SNX18: variants seen among roughly 807,000 people sequenced by gnomAD.
SNX18 encodes the protein sorting nexin 18.
SNX18 carries 35 observed loss-of-function variants against 48.7 expected under a neutral mutation model. The observed-to-expected ratio is 0.72, with a 90% CI of 0.55 to 0.95. SNX18 has a LOEUF of 0.95. Ranked by LOEUF, SNX18 falls within the 40% of genes least tolerant of loss-of-function variation. The probability of loss-of-function intolerance (pLI) is 0.00; values close to 1 mark genes in which losing one functional copy is unlikely to be tolerated. For synonymous variants in SNX18, 492 were observed against 384.7 expected (o/e 1.28, Z -3.26); for missense variants, 824 against 871.0 (o/e 0.95, Z 0.68).
intron 1 of SNX18, among the ~76,000 whole-genome samples, chr5:54,523,870 A>C (rs111461521): frequency 6.6e-6 from 1 of 152,110 alleles, no homozygotes; most frequent in African/African-American, 2.4e-5. Flanking sequence ...CCACACGGAG[A>C]CCCTTCCCTG....
At chr5:54,585,246 C>G in the SNX18 span, among the ~76,000 whole-genome samples, 32 of 151,058 alleles carry the variant, frequency 2.1e-4, 1 homozygote, top group African/African-American at 6.6e-4. Context: ...GAGTTGTTAC[C>G]ATGCTCCTGC....
intron 1 of SNX18, among the ~76,000 whole-genome samples, chr5:54,523,713 G>A (rs943306969): frequency 1.3e-5 from 2 of 152,144 alleles, no homozygotes; most frequent in Admixed American, 6.5e-5. Context: ...CCTCAGGAAT[G>A]GTATACCAGT....
At position 54,519,583 on chromosome 5, in the gene SNX18, G is replaced by A. The variant is rs199538676; in HGVS notation, c.1621+10G>A. 214 of 1,614,216 alleles carry A rather than the reference G, an allele frequency of 1.3e-4. 1 individual carries two copies. The highest frequency in any genetic ancestry group is 1.2e-3 in the Middle Eastern group (7 of 6,062). On this transcript the variant is annotated intron_variant, in intron 1 of 1. Coordinates refer to ENST00000381410, the MANE Select transcript of SNX18 (RefSeq NM_001102575.2). ...ATCCACGTTCAGAAAGGTAAAGCCT[G>A]GCCCTTAGAGCAGGTGATATGGAGT...
the SNX18 span, among the ~76,000 whole-genome samples, chr5:54,584,528 T>C: frequency 6.6e-6 from 1 of 152,086 alleles, no homozygotes; most frequent in Non-Finnish European, 1.5e-5. Flanking sequence ...TTTGCATAGG[T>C]GGAGTGTGGC....
the SNX18 span, among the ~76,000 whole-genome samples, chr5:54,633,664 A>T: frequency 1.3e-5 from 2 of 152,240 alleles, no homozygotes; most frequent in Non-Finnish European, 2.9e-5. Context: ...AAGTGCTGTA[A>T]CAGTGTGTGG....
At chr5:54,555,637 C>A in the SNX18 span, among the ~76,000 whole-genome samples, 1 of 151,866 alleles carries the variant, frequency 6.6e-6, no homozygotes, top group Admixed American at 6.6e-5. Flanking sequence ...GAATTCAAGG[C>A]CAACACAGTG....
the SNX18 span, among the ~76,000 whole-genome samples, chr5:54,611,536 AT>A: frequency 1.3e-5 from 2 of 152,154 alleles, no homozygotes; most frequent in Admixed American, 6.5e-5. Flanking sequence ...CGTTCTAGAA[AT>A]TATTTTCCTC....
intron 1 of SNX18, among the ~76,000 whole-genome samples, chr5:54,541,537 TAGTAGAACTGGGAC>T: frequency 6.6e-6 from 1 of 152,298 alleles, no homozygotes; most frequent in African/African-American, 2.4e-5. Flanking sequence ...GATGGCTTCT[TAGTAGAACTGGGAC>T]AGGGGTCTTC....
In SNX18 at chr5:54,518,817, T is replaced by C. The variant is rs1761943118; in HGVS notation, c.865T>C (p.Phe289Leu). 6.2e-7 allele frequency: 1 copy of C among 1,606,468 alleles called. No individual in the cohort carries two copies. Among genetic ancestry groups the C allele is most frequent in the Admixed American group, 1.7e-5 (1 of 59,286 alleles). The change falls in exon 1 of 2, where the codon TTC (phenylalanine) becomes CTC (leucine). Residue 289 changes from phenylalanine (F) to leucine (L), a missense_variant. Transcript: ENST00000381410. ...CGACGACCCCACCAAGCAGACCAAG[T>C]TCAAGGGCATGAAGAGCTACATCTC... ...TIDDPTKQTK[F>L]KGMKSYISYK...
At chr5:54,599,060 A>G in the SNX18 span, among the ~76,000 whole-genome samples, 301 of 152,356 alleles carry the variant, frequency 2.0e-3, 2 homozygotes, top group South Asian at 5.2e-3. Context: ...AATGTGCAGA[A>G]GTCATAAGTA....
At chr5:54,521,848 G>T (rs539869179) in intron 1 of SNX18, among the ~76,000 whole-genome samples, 1 of 152,092 alleles carries the variant, frequency 6.6e-6, no homozygotes, top group Non-Finnish European at 1.5e-5. Context: ...GATTACAAGC[G>T]TGAACCACCA....
chr5:54,532,751 C>A (rs1762272057), intron 1 of SNX18, among the ~76,000 whole-genome samples: 2 of 152,068 alleles, frequency 1.3e-5, no homozygotes, highest in African/African-American at 2.4e-5. Context: ...AACACAAGAA[C>A]CTTTATGTAT....
the SNX18 span, among the ~76,000 whole-genome samples, chr5:54,563,000 A>C: frequency 6.6e-6 from 1 of 152,250 alleles, no homozygotes; most frequent in Admixed American, 6.5e-5. Context: ...AATACATAAA[A>C]ATTTTAAACA....
chr5:54,568,189 C>T, the SNX18 span, among the ~76,000 whole-genome samples: 14 of 152,170 alleles, frequency 9.2e-5, no homozygotes, highest in African/African-American at 3.4e-4. Flanking sequence ...GCAAAGACCT[C>T]ATTTGTCATG....
At chr5:54,629,716 A>T in the SNX18 span, among the ~76,000 whole-genome samples, 54 of 152,346 alleles carry the variant, frequency 3.5e-4, no homozygotes, top group African/African-American at 1.3e-3. Flanking sequence ...CAACTTTCAC[A>T]GTGCTTTGTA....
At chr5:54,594,889 A>G in the SNX18 span, among the ~76,000 whole-genome samples, 90 of 152,134 alleles carry the variant, frequency 5.9e-4, 2 homozygotes, top group East Asian at 0.015. Context: ...TGAATACCCA[A>G]TGTTTAGCTC....
At chr5:54,536,460 A>G (rs148029326) in intron 1 of SNX18, among the ~76,000 whole-genome samples, 8,886 of 141,744 alleles carry the variant, frequency 0.063, 356 homozygotes, top group Middle Eastern at 0.13. Flanking sequence ...AATTCCACCT[A>G]TGAGTGAGAA....
At chr5:54,612,373 C>T in the SNX18 span, among the ~76,000 whole-genome samples, 5 of 151,972 alleles carry the variant, frequency 3.3e-5, no homozygotes, top group Non-Finnish European at 7.4e-5. Flanking sequence ...GTTCTCTTGC[C>T]TCAGCCTCCA....
chr5:54,580,044 A>G, the SNX18 span, among the ~76,000 whole-genome samples: 2 of 151,990 alleles, frequency 1.3e-5, no homozygotes, highest in Non-Finnish European at 2.9e-5. Flanking sequence ...AGTCTGGCTT[A>G]GGTTACACTG....
Sources: gnomAD v4.1 joint callset for allele counts (sites outside exome capture counted in the v4.1 genomes callset) on GRCh38, gnomAD v4.1.1 for gene constraint, MANE v1.5 for transcripts, NCBI Gene and HGNC (gene_info 2026-07-23, HGNC 2026-07-21) for gene names.